The following SNX25 variants were observed in gnomAD, a reference collection of about 807,000 sequenced individuals.
The protein encoded by SNX25 is sorting nexin-25.
SNX25 carries 62 observed loss-of-function variants against 113.7 expected under a neutral mutation model. The ratio of observed to expected loss-of-function variants is 0.55; its 90% CI spans 0.44 to 0.67. The LOEUF is 0.67. Among genes scored for constraint, SNX25 ranks in the 30% least tolerant of loss-of-function variants. The pLI is 0.00. For synonymous variants in SNX25, 421 were observed against 436.2 expected (o/e 0.97, Z 0.43); for missense variants, 1,014 against 1,161.0 (o/e 0.87, Z 1.84).
chr4:185,354,291 G>A (rs1293127698), intron 15 of SNX25, among the ~76,000 whole-genome samples: 1 of 152,214 alleles, frequency 6.6e-6, no homozygotes, highest in Admixed American at 6.5e-5. Context: ...AAAGGTGAGT[G>A]TTGGTGTTAG....
chr4:185,287,681 C>T (rs1354421768), intron 5 of SNX25, among the ~76,000 whole-genome samples: 1 of 152,196 alleles, frequency 6.6e-6, no homozygotes, highest in Non-Finnish European at 1.5e-5. Context: ...GAAGTAGAAT[C>T]AGCTAGCTCT....
chr4:185,260,091 A>G (rs886503015), intron 3 of SNX25, among the ~76,000 whole-genome samples: 3 of 152,196 alleles, frequency 2.0e-5, no homozygotes, highest in Non-Finnish European at 2.9e-5. Flanking sequence ...ACCCAGTTTC[A>G]TGAAACAGTA....
At chr4:185,250,572 T>G (rs1287712026) in intron 2 of SNX25, among the ~76,000 whole-genome samples, 1 of 152,248 alleles carries the variant, frequency 6.6e-6, no homozygotes, top group African/African-American at 2.4e-5. Flanking sequence ...AGACTGCAGT[T>G]GCCTTTAGGG....
Position 185,320,836 on chromosome 4 carries a change from CTG to C in SNX25, c.1451_1452del (p.Val484GlyfsTer7). The C allele has an allele frequency of 6.2e-7, 1 of 1,602,276 alleles. No homozygotes were observed. The highest frequency in any genetic ancestry group is 1.1e-5 in the South Asian group (1 of 88,828). On this transcript the variant is annotated frameshift_variant, in exon 8 of 19. Transcript: ENST00000652585. LOFTEE classifies it high-confidence loss of function. ...AGAGCTCTGATTAGTTTTTGGGAAT[CTG>C]TGGAACATTTAAAGAATGCTAACAA... is the stretch of plus-strand genomic sequence containing the variant.
Position 185,209,757 on chromosome 4 carries a change from T to G in SNX25, c.-70T>G. The G allele has an allele frequency of 4.1e-6, 4 of 983,922 alleles. No homozygotes were observed. Among genetic ancestry groups the G allele is most frequent in the Non-Finnish European group, 4.8e-6 (4 of 829,384 alleles). 60.9% of individuals were successfully genotyped at this position (983,922 alleles called of 1,614,324 possible). The stretch of plus-strand genomic sequence containing the variant: ...GCGAGGCATGAGCGCGGGCTCCCCC[T>G]GCCTCCGGAGCGCCGGCGGGGGACC... On this transcript the variant is annotated 5_prime_UTR_variant, in exon 1 of 19. Coordinates refer to ENST00000652585, the MANE Select transcript of SNX25 (RefSeq NM_001378034.2). This position sits in a 1 kb window ranked among gnomAD's most constrained non-coding sequence, Gnocchi z 5.2.
At chr4:185,266,479 G>C (rs1030918845) in intron 4 of SNX25, among the ~76,000 whole-genome samples, 2 of 152,236 alleles carry the variant, frequency 1.3e-5, no homozygotes, top group Non-Finnish European at 2.9e-5. Context: ...TCCTGCCTCA[G>C]TCTCCCGAGT....
chr4:185,297,998 G>A (rs1753074820), intron 6 of SNX25, among the ~76,000 whole-genome samples: 1 of 151,984 alleles, frequency 6.6e-6, no homozygotes, highest in African/African-American at 2.4e-5. Flanking sequence ...CCATTATTAT[G>A]CAGATGGACC....
chr4:185,368,795 GTT>G (rs34691416), downstream of SNX25, among the ~76,000 whole-genome samples: 22 of 133,034 alleles, frequency 1.7e-4, no homozygotes, highest in African/African-American at 4.2e-4. Context: ...AATCTGTTTT[GTT>G]TTTTTTTTTT....
chr4:185,266,508 G>A (rs1314433353), intron 4 of SNX25, among the ~76,000 whole-genome samples: 4 of 152,056 alleles, frequency 2.6e-5, no homozygotes, highest in Non-Finnish European at 5.9e-5. Context: ...TTACAGACAT[G>A]TGCCACCATG....
At position 185,363,620 on chromosome 4, in the gene SNX25, C is replaced by T. The variant is rs560868495; in HGVS notation, c.*155C>T. 9.3e-5 allele frequency: 58 copies of T among 626,860 alleles called. No individual in the cohort carries two copies. Among genetic ancestry groups the T allele is most frequent in the East Asian group, 8.5e-4 (30 of 35,456 alleles). The allele number at this position is 626,860 out of a possible 1,614,324, so 38.8% of individuals were successfully genotyped here. Reference sequence around the variant, plus strand: ...GTGAAATTAGTAGAATCAGGGAGGACGGGACTTATGCTGTGGTAGGCAACA... The same window carrying T: ...GTGAAATTAGTAGAATCAGGGAGGATGGGACTTATGCTGTGGTAGGCAACA... On this transcript the variant is annotated 3_prime_UTR_variant, in exon 19 of 19. Transcript: ENST00000652585. The surrounding 1 kb of genome is among the most constrained non-coding windows in gnomAD (Gnocchi z 4.2).
downstream of SNX25, among the ~76,000 whole-genome samples, chr4:185,373,488 C>T (rs1249028379): frequency 2.0e-5 from 3 of 152,198 alleles, no homozygotes; most frequent in Admixed American, 2.0e-4. Flanking sequence ...GAGATAGCAG[C>T]TGCTGCGATC....
chr4:185,235,651 T>G (rs1742505770), intron 1 of SNX25, among the ~76,000 whole-genome samples: 2 of 152,186 alleles, frequency 1.3e-5, no homozygotes, highest in Admixed American at 6.5e-5. Context: ...CAACATTTTG[T>G]GAAACCAAGG....
chr4:185,288,110 C>T (rs760503521), intron 6 of SNX25, 28 bp downstream of exon 6: 7 of 1,591,656 alleles, frequency 4.4e-6, no homozygotes, highest in African/African-American at 1.3e-5. Context: ...TTCTTCAGTT[C>T]CACATCTGAA....
At chr4:185,287,034 C>T (rs1031709001) in intron 5 of SNX25, among the ~76,000 whole-genome samples, 11 of 152,126 alleles carry the variant, frequency 7.2e-5, no homozygotes, top group African/African-American at 2.7e-4. Context: ...ACTTTATTAC[C>T]AGCAGATGAA....
intron 5 of SNX25, among the ~76,000 whole-genome samples, chr4:185,268,833 T>TA (rs554719021): frequency 6.6e-6 from 1 of 152,206 alleles, no homozygotes; most frequent in South Asian, 2.1e-4. Flanking sequence ...AATTTACAAA[T>TA]ACATACCTCA....
intron 5 of SNX25, among the ~76,000 whole-genome samples, chr4:185,285,871 C>T (rs949019417): frequency 6.6e-6 from 1 of 152,114 alleles, no homozygotes; most frequent in Non-Finnish European, 1.5e-5. Flanking sequence ...CACCCAGGCT[C>T]AAGTGATCCT....
intron 9 of SNX25, among the ~76,000 whole-genome samples, chr4:185,329,612 G>T (rs189591881): frequency 6.6e-6 from 1 of 152,114 alleles, no homozygotes; most frequent in Non-Finnish European, 1.5e-5. Context: ...ATTAGTGTCC[G>T]ATGTTGGATG....
chr4:185,278,074 G>C (rs902428007), intron 5 of SNX25, among the ~76,000 whole-genome samples: 8 of 152,172 alleles, frequency 5.3e-5, no homozygotes, highest in African/African-American at 1.9e-4. Flanking sequence ...TTGTAAGTTT[G>C]TATAATTTAA....
chr4:185,349,111 A>G (rs557508526), intron 13 of SNX25, among the ~76,000 whole-genome samples: 8 of 152,278 alleles, frequency 5.3e-5, no homozygotes, highest in African/African-American at 1.9e-4. Flanking sequence ...CCTGGTCCAC[A>G]ATGGAAGAAG....
Sources: gnomAD v4.1 joint callset for allele counts (sites outside exome capture counted in the v4.1 genomes callset) on GRCh38, gnomAD v4.1.1 for gene constraint, Gnocchi (gnomAD v3.1) non-coding constraint, MANE v1.5 for transcripts, NCBI Gene and HGNC (gene_info 2026-07-23, HGNC 2026-07-21) for gene names.